MYLK4: variants seen among roughly 807,000 people sequenced by gnomAD.
MYLK4 encodes caMLCK like.
MYLK4 carries 46 observed loss-of-function variants against 48.1 expected under a neutral mutation model. The ratio of observed to expected loss-of-function variants is 0.96; its 90% CI spans 0.75 to 1.22. The LOEUF is 1.22. MYLK4 is among the 50% of genes most tolerant of loss of function. The probability of loss-of-function intolerance (pLI) is 0.00; values close to 1 mark genes in which losing one functional copy is unlikely to be tolerated. For synonymous variants in MYLK4, 170 were observed against 180.8 expected (o/e 0.94, Z 0.48); for missense variants, 451 against 486.1 (o/e 0.93, Z 0.68).
At chr6:2,733,877 C>G (rs573561601) in intron 2 of MYLK4, among the ~76,000 whole-genome samples, 1 of 152,250 alleles carries the variant, frequency 6.6e-6, no homozygotes, top group Non-Finnish European at 1.5e-5. Flanking sequence ...GGGAACCTCG[C>G]AATCTGGATG....
the MYLK4 span, chr6:2,766,277 C>A: frequency 6.3e-7 from 1 of 1,583,954 alleles, no homozygotes; most frequent in East Asian, 2.3e-5. Flanking sequence ...CGAGGAGATC[C>A]GACAGATGCT....
chr6:2,677,679 G>A (rs968283101), intron 10 of MYLK4, among the ~76,000 whole-genome samples: 5 of 152,194 alleles, frequency 3.3e-5, no homozygotes, highest in African/African-American at 4.8e-5. Context: ...GTTGGGGAAG[G>A]AGAACTATCT....
intron 2 of MYLK4, among the ~76,000 whole-genome samples, chr6:2,696,131 A>G (rs1762050912): frequency 6.6e-6 from 1 of 152,228 alleles, no homozygotes; most frequent in African/African-American, 2.4e-5. Flanking sequence ...ATGTAGAATG[A>G]CACAGGGAAG....
At chr6:2,757,399 G>C in the MYLK4 span, among the ~76,000 whole-genome samples, 2 of 152,078 alleles carry the variant, frequency 1.3e-5, no homozygotes, top group Non-Finnish European at 1.5e-5. Flanking sequence ...TATACTTCTG[G>C]TTAAAATGCA....
intron 2 of MYLK4, 25 bp downstream of exon 2, chr6:2,749,111 G>C: frequency 6.2e-7 from 1 of 1,602,724 alleles, no homozygotes; most frequent in African/African-American, 1.3e-5. Flanking sequence ...ATACTTTTTA[G>C]GAGACTAAAT....
At chr6:2,765,820 G>T in the MYLK4 span, 3 of 1,355,098 alleles carry the variant, frequency 2.2e-6, no homozygotes, top group African/African-American at 3.1e-5. Flanking sequence ...GGCCCTCGCC[G>T]CCCGGCGCCA....
intron 2 of MYLK4, among the ~76,000 whole-genome samples, chr6:2,741,555 C>T (rs756957228): frequency 6.6e-6 from 1 of 152,194 alleles, no homozygotes; most frequent in Non-Finnish European, 1.5e-5. Flanking sequence ...CTTTTTACTG[C>T]TCTCTGTCTT....
At chr6:2,712,633 G>A (rs1346347810) in intron 2 of MYLK4, among the ~76,000 whole-genome samples, 1 of 152,154 alleles carries the variant, frequency 6.6e-6, no homozygotes, top group Non-Finnish European at 1.5e-5. Flanking sequence ...AACCTCCAAC[G>A]ATTTTGAGGT....
At chr6:2,682,946 A>C in intron 7 of MYLK4, 75 bp downstream of exon 7, 3 of 1,536,970 alleles carry the variant, frequency 2.0e-6, no homozygotes, top group East Asian at 2.3e-5. Context: ...CCCAGCTGGC[A>C]TATAATAGCA....
At chr6:2,765,048 A>G in the MYLK4 span, among the ~76,000 whole-genome samples, 1 of 152,078 alleles carries the variant, frequency 6.6e-6, no homozygotes, top group South Asian at 2.1e-4. Context: ...AAGGCCGGGA[A>G]AGCGGCGCTC....
chr6:2,755,932 A>G, the MYLK4 span, among the ~76,000 whole-genome samples: 1 of 152,202 alleles, frequency 6.6e-6, no homozygotes, highest in Non-Finnish European at 1.5e-5. Context: ...GTGGCACATG[A>G]TGTCGGTTTG....
chr6:2,704,523 C>A (rs1762417194), intron 2 of MYLK4, among the ~76,000 whole-genome samples: 1 of 152,188 alleles, frequency 6.6e-6, no homozygotes, highest in Non-Finnish European at 1.5e-5. Flanking sequence ...AGAACATGTA[C>A]TATAAACATT....
the MYLK4 span, chr6:2,765,769 G>A: frequency 2.0e-6 from 3 of 1,465,594 alleles, no homozygotes; most frequent in Non-Finnish European, 2.7e-6. Context: ...GGCACGCGGA[G>A]CCCGCGGCCG....
In MYLK4 at chr6:2,672,117, G is replaced by A. The variant is rs1194317826; in HGVS notation, c.1120-769C>T. Among the ~76,000 whole-genome samples the A allele has an allele frequency of 6.6e-6, 1 of 152,188 alleles. No individual in the cohort carries two copies. The highest frequency in any genetic ancestry group is 1.5e-5 in the Non-Finnish European group (1 of 68,038). ...AGTTCACTGAGAGGGCATGAGCCGA[G>A]GTCACAACACTGAGAATGGGAAGGA... On this transcript the variant is annotated intron_variant, in intron 11 of 12. Transcript: ENST00000274643. The surrounding 1 kb of genome is among the most constrained non-coding windows in gnomAD (Gnocchi z 4.3).
At chr6:2,670,600 A>G (rs1760848065) in intron 12 of MYLK4, among the ~76,000 whole-genome samples, 1 of 152,178 alleles carries the variant, frequency 6.6e-6, no homozygotes, top group African/African-American at 2.4e-5. Context: ...TTAGGGCTAC[A>G]TTGGGCTAGA....
At chr6:2,740,953 A>C (rs9501885) in intron 2 of MYLK4, among the ~76,000 whole-genome samples, 1 of 152,174 alleles carries the variant, frequency 6.6e-6, no homozygotes, top group East Asian at 1.9e-4. Context: ...ACTTCATTGC[A>C]AGAGACTTTA....
rs1330070852 is a variant in MYLK4, at chr6:2,672,344, A to C, written c.1120-996T>G. On this transcript the variant is annotated intron_variant, in intron 11 of 12. Coordinates refer to ENST00000274643, the MANE Select transcript of MYLK4 (RefSeq NM_001012418.5). This position sits in a 1 kb window ranked among gnomAD's most constrained non-coding sequence, Gnocchi z 4.3. ...TTATACACAGAGGGTTGGGGACGTA[A>C]GAAAGGCTGCAAACCATCGCATGTC... Among the ~76,000 whole-genome samples, 1 of 152,146 alleles carries C rather than the reference A, an allele frequency of 6.6e-6. No homozygotes were observed. Among genetic ancestry groups the C allele is most frequent in the African/African-American group, 2.4e-5 (1 of 41,438 alleles).
At chr6:2,755,713 A>AT (rs1764413644), upstream of MYLK4, among the ~76,000 whole-genome samples, 2 of 152,040 alleles carry the variant, frequency 1.3e-5, no homozygotes, top group South Asian at 2.1e-4. Context: ...TAAGTTTTGT[A>AT]TTTTTTGTGG....
At chr6:2,705,756 G>A (rs1342661510) in intron 2 of MYLK4, among the ~76,000 whole-genome samples, 1 of 152,072 alleles carries the variant, frequency 6.6e-6, no homozygotes, top group African/African-American at 2.4e-5. Context: ...AGAAATTACG[G>A]GAATGGAAGG....
Sources: gnomAD v4.1 joint callset for allele counts (sites outside exome capture counted in the v4.1 genomes callset) on GRCh38, gnomAD v4.1.1 for gene constraint, Gnocchi (gnomAD v3.1) non-coding constraint, MANE v1.5 for transcripts, NCBI Gene and HGNC (gene_info 2026-07-23, HGNC 2026-07-21) for gene names.